PCDHA12: variants seen among roughly 807,000 people sequenced by gnomAD.
PCDHA12 encodes protocadherin alpha 12, also known as protocadherin alpha-12.
PCDHA12 carries 44 observed loss-of-function variants against 60.0 expected under a neutral mutation model. The observed-to-expected ratio is 0.73, with a 90% CI of 0.58 to 0.94. The LOEUF is 0.94. PCDHA12 is among the 40% of genes least tolerant of loss of function. The probability of loss-of-function intolerance (pLI) is 0.00; values close to 1 mark genes in which losing one functional copy is unlikely to be tolerated. For synonymous variants in PCDHA12, 569 were observed against 553.0 expected, an observed-to-expected ratio of 1.03 and a Z score of -0.40; for missense variants, 1,276 against 1,239.7, an observed-to-expected ratio of 1.03 and a Z score of -0.44.
intron 1 of PCDHA12, chr5:140,966,731 G>A: frequency 7.1e-7 from 1 of 1,405,136 alleles, no homozygotes; most frequent in Non-Finnish European, 9.2e-7. Context: ...TGCCGCCTCC[G>A]GCCCTGCCCG....
chr5:140,955,639 C>T (rs2095212239), intron 1 of PCDHA12, among the ~76,000 whole-genome samples: 1 of 152,088 alleles, frequency 6.6e-6, no homozygotes, highest in African/African-American at 2.4e-5. Flanking sequence ...AGTGTGAGAA[C>T]AAATTAATAC....
At chr5:140,978,805 T>G in intron 1 of PCDHA12, 144 bp from the exon 2 acceptor site, 4 of 1,492,524 alleles carry the variant, frequency 2.7e-6, no homozygotes, top group Non-Finnish European at 3.6e-6. Flanking sequence ...GTAGATATCA[T>G]CATAGAGTTA....
At chr5:141,000,513 C>G (rs1258002727) in intron 3 of PCDHA12, among the ~76,000 whole-genome samples, 2 of 143,802 alleles carry the variant, frequency 1.4e-5, no homozygotes, top group African/African-American at 5.2e-5. Context: ...CTGCAACCTC[C>G]TTCTCCAGGG....
intron 1 of PCDHA12, chr5:140,928,603 C>A: frequency 1.2e-6 from 2 of 1,614,208 alleles, no homozygotes; most frequent in South Asian, 2.2e-5. Flanking sequence ...GGAAATTGTG[C>A]CCCGCTCTGC....
chr5:140,883,297 A>G (rs782572580), intron 1 of PCDHA12: 2 of 1,614,132 alleles, frequency 1.2e-6, no homozygotes, highest in Non-Finnish European at 1.7e-6. Flanking sequence ...TACTAGATGT[A>G]AATGATAACG....
chr5:140,946,163 T>C (rs1345991689), intron 1 of PCDHA12, among the ~76,000 whole-genome samples: 1 of 151,884 alleles, frequency 6.6e-6, no homozygotes, highest in African/African-American at 2.4e-5. Flanking sequence ...ATTTAAAAGA[T>C]GGGTAAAGGA....
intron 1 of PCDHA12, chr5:140,881,421 C>G: frequency 1.1e-6 from 1 of 907,614 alleles, no homozygotes; most frequent in South Asian, 5.1e-5. Context: ...GATATTAGTT[C>G]CAGGCATATT....
chr5:141,000,412 TATATATATA>T (rs1297219533), intron 3 of PCDHA12, among the ~76,000 whole-genome samples: 3 of 102,772 alleles, frequency 2.9e-5, no homozygotes, highest in Admixed American at 1.2e-4. Flanking sequence ...TATATATATA[TATATATATA>T]TTTTTTTTTT....
chr5:140,910,808 G>A (rs535429898), intron 1 of PCDHA12, among the ~76,000 whole-genome samples: 1 of 152,170 alleles, frequency 6.6e-6, no homozygotes, highest in South Asian at 2.1e-4. Flanking sequence ...TGCTTAGTGG[G>A]CCCAAATCAA....
intron 1 of PCDHA12, chr5:140,927,616 G>T (rs1228559116): frequency 6.2e-7 from 1 of 1,614,164 alleles, no homozygotes; most frequent in South Asian, 1.1e-5. Flanking sequence ...CCGCACCAAG[G>T]TTCCAGAGAC....
intron 3 of PCDHA12, among the ~76,000 whole-genome samples, chr5:140,985,672 G>A (rs1195009915): frequency 6.6e-6 from 1 of 151,738 alleles, no homozygotes. Flanking sequence ...AGGAAGTGGG[G>A]CCTGCCTTAC....
intron 1 of PCDHA12, chr5:140,968,520 C>A: frequency 6.2e-7 from 1 of 1,614,194 alleles, no homozygotes; most frequent in Non-Finnish European, 8.5e-7. Flanking sequence ...CCTACCTCAA[C>A]CAACTCGTCA....
rs781916987 is a variant in PCDHA12 at position 140,877,828 on chromosome 5, C to T, written c.2356C>T (p.Pro786Ser). Residue 786 changes from proline to serine, a missense_variant, in exon 1 of 4, where the codon CCT (proline) becomes TCT (serine). Pro to Ser is a moderately conservative substitution (Grantham distance 74). Coordinates refer to ENST00000398631, the MANE Select transcript of PCDHA12 (RefSeq NM_018903.4). ...GCTGTCTCGAGAAGATTGTTTAAAT[C>T]CTCCCAGTGAAGTAAGTTATTAATA... ...LQLSREDCLN[P>S]PSEPRQPNPD... 1.2e-5 allele frequency: 19 copies of T among 1,599,838 alleles called. No homozygotes were observed. The highest frequency in any genetic ancestry group is 1.5e-5 in the Non-Finnish European group (18 of 1,174,606).
intron 2 of PCDHA12, among the ~76,000 whole-genome samples, chr5:140,981,575 A>G (rs2096938835): frequency 1.3e-5 from 2 of 152,152 alleles, no homozygotes; most frequent in African/African-American, 4.8e-5. Flanking sequence ...CTTTGTCTCA[A>G]AAATAAATAA....
In PCDHA12 at chr5:140,876,833, C is replaced by T; in HGVS notation, c.1361C>T (p.Ala454Val). 5 of 1,614,176 alleles carry T rather than the reference C, an allele frequency of 3.1e-6. No homozygotes were observed. The highest frequency in any genetic ancestry group is 4.2e-6 in the Non-Finnish European group (5 of 1,180,016). Residue 454 changes from alanine to valine, a missense_variant, in exon 1 of 4, where the codon GCG becomes GTG. Ala to Val is a moderately conservative substitution (Grantham distance 64, BLOSUM62 0). Coordinates refer to ENST00000398631, the MANE Select transcript of PCDHA12 (RefSeq NM_018903.4). The stretch of plus-strand genomic sequence containing the variant: ...GCCGACGTGAACGACAATGCGCCTG[C>T]GTTCGCGCAGCCCGAGTACACAGTG... Reference protein sequence around the residue: ...EVADVNDNAPAFAQPEYTVFV... With the variant: ...EVADVNDNAPVFAQPEYTVFV...
At chr5:140,896,346 G>A (rs1466880160) in intron 1 of PCDHA12, among the ~76,000 whole-genome samples, 17 of 151,992 alleles carry the variant, frequency 1.1e-4, no homozygotes, top group African/African-American at 3.4e-4. Flanking sequence ...TTATATTCCC[G>A]CCAGCAGTGT....
intron 1 of PCDHA12, among the ~76,000 whole-genome samples, chr5:140,889,484 A>G (rs2062245315): frequency 6.6e-6 from 1 of 152,158 alleles, no homozygotes; most frequent in Admixed American, 6.5e-5. Context: ...TACTTTCTAC[A>G]GAATCTATAG....
At chr5:140,901,474 T>C (rs2068694853) in intron 1 of PCDHA12, among the ~76,000 whole-genome samples, 1 of 152,216 alleles carries the variant, frequency 6.6e-6, no homozygotes, top group Admixed American at 6.5e-5. Context: ...CTCGAGTTTA[T>C]GTTCTTGGCA....
intron 1 of PCDHA12, among the ~76,000 whole-genome samples, chr5:140,908,279 G>T (rs2073895272): frequency 6.6e-6 from 1 of 151,782 alleles, no homozygotes; most frequent in South Asian, 2.1e-4. Flanking sequence ...TGAGGCCATT[G>T]TTGCAAGCTG....
Sources: allele counts gnomAD v4.1 joint callset (sites outside exome capture counted in the v4.1 genomes callset), GRCh38; gene constraint gnomAD v4.1.1; transcripts MANE v1.5; gene names NCBI Gene and HGNC (gene_info 2026-07-23, HGNC 2026-07-21).